Variants in KCNQ5 observed in about 807,000 individuals in gnomAD.
The protein encoded by KCNQ5 is potassium voltage-gated channel subfamily Q member 5.
Under a neutral mutation model 98.2 loss-of-function variants are expected in KCNQ5, and 30 were observed. That is an observed-to-expected ratio of 0.31 (90% CI 0.23 to 0.41). The LOEUF is 0.41. Among genes scored for constraint, KCNQ5 ranks in the 10% least tolerant of loss-of-function variants. The pLI is 1.00. For missense variants in KCNQ5, 835 were observed against 1,182.5 expected (o/e 0.71, Z 4.31); for synonymous variants, 458 against 449.4 (o/e 1.02, Z -0.24).
intron 1 of KCNQ5, among the ~76,000 whole-genome samples, chr6:72,669,671 T>C (rs756106616): frequency 1.3e-5 from 2 of 152,176 alleles, no homozygotes; most frequent in Admixed American, 6.5e-5. Context: ...GACAAAGAGC[T>C]CTATGGTCTG....
At chr6:72,834,678 T>C (rs1776426114) in intron 1 of KCNQ5, among the ~76,000 whole-genome samples, 1 of 152,192 alleles carries the variant, frequency 6.6e-6, no homozygotes, top group Admixed American at 6.5e-5. Context: ...TCTGTTGGCC[T>C]TCCTTCTTTT....
chr6:72,814,204 G>A (rs1775387734), intron 1 of KCNQ5, among the ~76,000 whole-genome samples: 2 of 152,148 alleles, frequency 1.3e-5, no homozygotes, highest in South Asian at 4.1e-4. Flanking sequence ...GTCCACCCTG[G>A]AAAATGAGTG....
intron 2 of KCNQ5, among the ~76,000 whole-genome samples, chr6:73,010,301 G>T (rs1352996791): frequency 1.3e-5 from 2 of 151,940 alleles, no homozygotes. Flanking sequence ...AAAAAATTCA[G>T]TACCCTTCTA....
At chr6:72,691,839 C>A (rs1768227136) in intron 1 of KCNQ5, among the ~76,000 whole-genome samples, 1 of 152,080 alleles carries the variant, frequency 6.6e-6, no homozygotes, top group Non-Finnish European at 1.5e-5. Context: ...GGAGGTGAGA[C>A]TGTGATAGAA....
intron 1 of KCNQ5, among the ~76,000 whole-genome samples, chr6:72,638,733 A>G (rs1211363835): frequency 3.3e-5 from 5 of 152,140 alleles, no homozygotes; most frequent in Non-Finnish European, 7.3e-5. Context: ...TAAAAGAGCT[A>G]TTCACAATAA....
intron 1 of KCNQ5, among the ~76,000 whole-genome samples, chr6:72,890,101 T>C (rs1313062103): frequency 6.9e-6 from 1 of 144,366 alleles, no homozygotes; most frequent in Non-Finnish European, 1.5e-5. Context: ...TGTTTGTTTC[T>C]CTTTTTAGAA....
At chr6:72,921,346 G>A (rs1023244101) in intron 1 of KCNQ5, among the ~76,000 whole-genome samples, 4 of 152,180 alleles carry the variant, frequency 2.6e-5, no homozygotes, top group African/African-American at 9.7e-5. Flanking sequence ...GAATACACAT[G>A]GCAAGTTTAG....
intron 1 of KCNQ5, among the ~76,000 whole-genome samples, chr6:72,856,910 G>A (rs942473846): frequency 6.6e-6 from 1 of 152,204 alleles, no homozygotes; most frequent in Non-Finnish European, 1.5e-5. Context: ...TGGGGCTGGA[G>A]ATGCAGAATG....
intron 1 of KCNQ5, among the ~76,000 whole-genome samples, chr6:72,916,322 C>A (rs576565704): frequency 6.6e-6 from 1 of 152,128 alleles, no homozygotes; most frequent in East Asian, 1.9e-4. Flanking sequence ...CAGTAACTAC[C>A]AGATATTGTG....
At chr6:72,682,826 G>A (rs1767771789) in intron 1 of KCNQ5, among the ~76,000 whole-genome samples, 1 of 152,176 alleles carries the variant, frequency 6.6e-6, no homozygotes, top group Admixed American at 6.5e-5. Flanking sequence ...GAGGATGAAA[G>A]GGTTGTGGAA....
At chr6:73,045,269 G>A (rs562067239) in intron 3 of KCNQ5, among the ~76,000 whole-genome samples, 14 of 152,214 alleles carry the variant, frequency 9.2e-5, no homozygotes, top group Non-Finnish European at 1.9e-4. Context: ...TATAACATAA[G>A]GGAAGAAATA....
chr6:73,017,407 T>C (rs545822918), intron 2 of KCNQ5, among the ~76,000 whole-genome samples: 2 of 152,268 alleles, frequency 1.3e-5, no homozygotes, highest in Non-Finnish European at 1.5e-5. Context: ...ATTTTCAATA[T>C]AGGTTACTAC....
intron 7 of KCNQ5, among the ~76,000 whole-genome samples, chr6:73,118,604 T>C (rs1392519512): frequency 6.6e-6 from 1 of 152,228 alleles, no homozygotes; most frequent in East Asian, 1.9e-4. Context: ...TTTTTAACTT[T>C]TATTTAGCAT....
chr6:72,867,261 A>G (rs1351670303), intron 1 of KCNQ5, among the ~76,000 whole-genome samples: 1 of 152,220 alleles, frequency 6.6e-6, no homozygotes, highest in Non-Finnish European at 1.5e-5. Context: ...CTCTTTAAAA[A>G]AGTAATTGTA....
chr6:73,069,259 C>A (rs1490791898), intron 3 of KCNQ5, among the ~76,000 whole-genome samples: 1 of 151,826 alleles, frequency 6.6e-6, no homozygotes, highest in African/African-American at 2.4e-5. Context: ...ATATATGTTG[C>A]CATTTTTTTC....
intron 13 of KCNQ5, 133 bp from the exon 14 acceptor site, chr6:73,194,319 C>T: frequency 2.6e-6 from 2 of 765,710 alleles, no homozygotes; most frequent in Admixed American, 2.9e-5. Flanking sequence ...AGGGTCAAGA[C>T]TGCATCGTAC....
intron 1 of KCNQ5, among the ~76,000 whole-genome samples, chr6:72,800,317 T>A (rs185444007): frequency 6.6e-6 from 1 of 152,248 alleles, no homozygotes; most frequent in Non-Finnish European, 1.5e-5. Flanking sequence ...GTTATTGGTC[T>A]ATTCAGAGAT....
rs1017649135 is a variant in KCNQ5 at position 73,192,644 on chromosome 6, A to C, written c.1789A>C (p.Thr597Pro). The C allele has an allele frequency of 5.0e-6, 8 of 1,612,630 alleles. No homozygotes were observed. Among genetic ancestry groups the C allele is most frequent in the Non-Finnish European group, 6.8e-6 (8 of 1,179,244 alleles). Residue 597 changes from threonine (T) to proline (P), a missense_variant, in exon 13 of 14, where the codon ACA becomes CCA. Thr to Pro is a conservative substitution (Grantham distance 38). Transcript: ENST00000370398. Reference protein sequence around the residue: ...REKITAEHETTDDLSMLGRVV... With the variant: ...REKITAEHETPDDLSMLGRVV... ...GAAAATAACAGCAGAACATGAGACC[A>C]CAGACGATCTCAGTATGCTCGGTCG...
chr6:72,648,414 G>A (rs1479407362), intron 1 of KCNQ5, among the ~76,000 whole-genome samples: 1 of 152,104 alleles, frequency 6.6e-6, no homozygotes, highest in Non-Finnish European at 1.5e-5. Context: ...TACAGTAATT[G>A]AAAGGAATGA....
Sources: gnomAD v4.1 joint callset for allele counts (sites outside exome capture counted in the v4.1 genomes callset) on GRCh38, gnomAD v4.1.1 for gene constraint, MANE v1.5 for transcripts, NCBI Gene and HGNC (gene_info 2026-07-23, HGNC 2026-07-21) for gene names.